The following SCAI variants were observed in gnomAD, a reference collection of about 807,000 sequenced individuals.
SCAI encodes the protein suppressor of cancer cell invasion.
Under a neutral mutation model 92.2 loss-of-function variants are expected in SCAI, and 24 were observed. That is an observed-to-expected ratio of 0.26 (90% confidence interval 0.19 to 0.37). SCAI has a LOEUF of 0.37. SCAI is among the 10% of genes least tolerant of loss of function. SCAI has a pLI of 1.00. For missense variants in SCAI, 450 were observed against 736.2 expected (o/e 0.61, Z 4.50); for synonymous variants, 261 against 258.6 (o/e 1.01, Z -0.09).
intron 2 of SCAI, among the ~76,000 whole-genome samples, chr9:125,062,975 G>A (rs2047961230): frequency 2.2e-5 from 3 of 139,050 alleles, no homozygotes; most frequent in South Asian, 2.3e-4. Flanking sequence ...AGTCCAGATC[G>A]CACCACTGCA....
At chr9:125,066,486 C>T (rs908384354) in intron 2 of SCAI, among the ~76,000 whole-genome samples, 17 of 150,494 alleles carry the variant, frequency 1.1e-4, no homozygotes, top group Non-Finnish European at 1.6e-4. Flanking sequence ...GACGGAGTCT[C>T]GCTCTATCTC....
chr9:125,095,820 C>G (rs1164752985), intron 2 of SCAI, among the ~76,000 whole-genome samples: 1 of 152,098 alleles, frequency 6.6e-6, no homozygotes, highest in Non-Finnish European at 1.5e-5. Flanking sequence ...CCTGGAAAAA[C>G]AAAACAAAAC....
chr9:124,981,447 C>T (rs1210173209), intron 14 of SCAI, among the ~76,000 whole-genome samples: 1 of 152,132 alleles, frequency 6.6e-6, no homozygotes, highest in African/African-American at 2.4e-5. Context: ...ATGATAGTAA[C>T]AGGCATTCTC....
At chr9:125,121,131 TATTC>T (rs1835148455) in intron 2 of SCAI, among the ~76,000 whole-genome samples, 2 of 151,938 alleles carry the variant, frequency 1.3e-5, no homozygotes, top group African/African-American at 2.4e-5. Context: ...TGCAAATTTG[TATTC>T]ATTCATTTCA....
At chr9:125,045,153 C>A (rs1298608290) in intron 3 of SCAI, among the ~76,000 whole-genome samples, 1 of 152,304 alleles carries the variant, frequency 6.6e-6, no homozygotes, top group Non-Finnish European at 1.5e-5. Context: ...GTGCCACTAG[C>A]CACAGAGGTT....
chr9:125,019,017 C>T, intron 8 of SCAI, 66 bp from the exon 9 acceptor site: 1 of 1,547,782 alleles, frequency 6.5e-7, no homozygotes, highest in Admixed American at 1.8e-5. Context: ...GTAAGCTATT[C>T]CTTCTTCTTG....
chr9:125,050,586 A>G (rs1000694271), intron 3 of SCAI, among the ~76,000 whole-genome samples: 6 of 152,130 alleles, frequency 3.9e-5, no homozygotes, highest in Admixed American at 6.5e-5. Flanking sequence ...TTTTCTTTTT[A>G]TAAAAGGGAC....
intron 2 of SCAI, among the ~76,000 whole-genome samples, chr9:125,125,725 A>T (rs112006864): frequency 0.023 from 3,451 of 147,920 alleles, 141 homozygotes; most frequent in African/African-American, 0.082. Flanking sequence ...CAGCTACTCA[A>T]GGGGCTCAGG....
Position 124,950,572 on chromosome 9 carries a change from T to TA in SCAI, c.*2234dup, listed in dbSNP as rs1340486635. 1.3e-5 allele frequency: 2 copies of TA among 152,104 alleles called. No individual in the cohort carries two copies. The highest frequency in any genetic ancestry group is 2.9e-5 in the Non-Finnish European group (2 of 68,040). 9.4% of individuals were successfully genotyped at this position (152,104 alleles called of 1,614,324 possible). ...AGAGGTCAGAAAACCGAAGATAGTC[T>TA]ATTGCTGTAGTTCAATGAACACTGT... On this transcript the variant is annotated 3_prime_UTR_variant, in exon 18 of 18. Coordinates refer to ENST00000336505, the MANE Select transcript of SCAI (RefSeq NM_001144877.3).
intron 2 of SCAI, among the ~76,000 whole-genome samples, chr9:125,078,361 T>C (rs1279849012): frequency 6.6e-6 from 1 of 151,390 alleles, no homozygotes; most frequent in Non-Finnish European, 1.5e-5. Context: ...ACCACATCTC[T>C]ACCAAAAATA....
At chr9:124,960,615 G>T (rs1831418192) in intron 17 of SCAI, among the ~76,000 whole-genome samples, 1 of 152,212 alleles carries the variant, frequency 6.6e-6, no homozygotes, top group South Asian at 2.1e-4. Context: ...ACAGATGCAA[G>T]TAATCTCGAG....
chr9:124,963,562 C>T (rs1831483259), intron 17 of SCAI, among the ~76,000 whole-genome samples: 1 of 151,562 alleles, frequency 6.6e-6, no homozygotes, highest in African/African-American at 2.4e-5. Flanking sequence ...CCAGGTTGGC[C>T]AACATGGCGA....
At chr9:125,096,874 T>C (rs1834563939) in intron 2 of SCAI, among the ~76,000 whole-genome samples, 1 of 152,240 alleles carries the variant, frequency 6.6e-6, no homozygotes, top group Non-Finnish European at 1.5e-5. Context: ...CCTTATTCAC[T>C]TAAAGTATTG....
intron 3 of SCAI, among the ~76,000 whole-genome samples, chr9:125,036,200 G>C (rs939403111): frequency 1.3e-5 from 2 of 152,042 alleles, no homozygotes; most frequent in African/African-American, 4.8e-5. Context: ...GAGAAGAGTG[G>C]TAACGTAAAT....
intron 2 of SCAI, among the ~76,000 whole-genome samples, chr9:125,111,174 G>A (rs1366983685): frequency 6.6e-6 from 1 of 151,624 alleles, no homozygotes; most frequent in Non-Finnish European, 1.5e-5. Flanking sequence ...ACTAAGTTGG[G>A]TTTGTTCCAG....
intron 3 of SCAI, among the ~76,000 whole-genome samples, chr9:125,036,347 T>C (rs1469171215): frequency 6.6e-6 from 1 of 152,052 alleles, no homozygotes; most frequent in Non-Finnish European, 1.5e-5. Flanking sequence ...GGGAAAAGAG[T>C]AGCTTTTGGG....
chr9:125,019,952 T>C (rs942156908), intron 7 of SCAI, among the ~76,000 whole-genome samples: 2 of 151,814 alleles, frequency 1.3e-5, no homozygotes, highest in Non-Finnish European at 2.9e-5. Context: ...CTTGAGCCTA[T>C]GATTCCAGCT....
intron 2 of SCAI, among the ~76,000 whole-genome samples, chr9:125,086,137 C>T (rs1277894514): frequency 3.3e-5 from 5 of 152,066 alleles, no homozygotes; most frequent in Admixed American, 3.3e-4. Flanking sequence ...GTTCAATTGC[C>T]GTATATCATA....
At chr9:125,009,398 T>C (rs1009818371) in intron 9 of SCAI, among the ~76,000 whole-genome samples, 1 of 152,120 alleles carries the variant, frequency 6.6e-6, no homozygotes, top group Non-Finnish European at 1.5e-5. Context: ...GCCTCCCAAG[T>C]AGCTGGAATT....
Sources: gnomAD v4.1 joint callset for allele counts (sites outside exome capture counted in the v4.1 genomes callset) on GRCh38, gnomAD v4.1.1 for gene constraint, MANE v1.5 for transcripts, NCBI Gene and HGNC (gene_info 2026-07-23, HGNC 2026-07-21) for gene names.